The following SPEN variants were observed in gnomAD, a reference collection of about 807,000 sequenced individuals.
The protein encoded by SPEN is msx2-interacting protein.
SPEN carries 18 observed loss-of-function variants against 269.9 expected under a neutral mutation model. That is an observed-to-expected ratio of 0.07 (90% CI 0.05 to 0.10). SPEN has a LOEUF of 0.10. Among genes scored for constraint, SPEN ranks in the 10% least tolerant of loss-of-function variants. The pLI, the probability that SPEN is intolerant of heterozygous loss-of-function variation, is 1.00. For missense variants in SPEN, 3,822 were observed against 4,631.2 expected (o/e 0.83, Z 5.07); for synonymous variants, 1,726 against 1,765.7 (o/e 0.98, Z 0.56).
At chr1:15,883,810 T>C (rs1025034426) in intron 3 of SPEN, among the ~76,000 whole-genome samples, 1 of 139,962 alleles carries the variant, frequency 7.1e-6, no homozygotes, top group African/African-American at 2.6e-5. Context: ...TAAGATTCTT[T>C]TTTTTTTTTT....
chr1:15,884,069 C>T (rs2070714220), intron 3 of SPEN, among the ~76,000 whole-genome samples: 1 of 152,120 alleles, frequency 6.6e-6, no homozygotes, highest in Admixed American at 6.6e-5. Flanking sequence ...TTTGGCCTCC[C>T]AAAGTGCTGG....
At chr1:15,926,724 G>A (rs962883145) in intron 10 of SPEN, among the ~76,000 whole-genome samples, 31 of 146,364 alleles carry the variant, frequency 2.1e-4, no homozygotes, top group African/African-American at 7.6e-4. Flanking sequence ...ATGGAGTCTC[G>A]CTGTGTCGCC....
In SPEN at chr1:15,934,988, C is replaced by T; in HGVS notation, c.8748C>T (p.His2916=). 1.2e-6 allele frequency: 2 copies of T among 1,614,030 alleles called. No individual in the cohort carries two copies. Among genetic ancestry groups the T allele is most frequent in the South Asian group, 1.1e-5 (1 of 91,072 alleles). ...RPSLEKPEPI[H]LSVSTPVTQG... The stretch of plus-strand genomic sequence containing the variant: ...CCTTGGAGAAGCCCGAGCCCATTCA[C>T]CTCTCGGTGTCCACGCCTGTCACCC... The change falls in exon 11 of 15, where the codon CAC becomes CAT. Residue 2916 remains histidine, a synonymous_variant. Coordinates refer to ENST00000375759, the MANE Select transcript of SPEN (RefSeq NM_015001.3). This position sits in a 1 kb window ranked among gnomAD's most constrained non-coding sequence, Gnocchi z 9.2.
Position 15,940,073 on chromosome 1 carries a change from A to G in SPEN, c.*646A>G. On this transcript the variant is annotated 3_prime_UTR_variant, in exon 15 of 15. Coordinates refer to ENST00000375759, the MANE Select transcript of SPEN (RefSeq NM_015001.3). The stretch of plus-strand genomic sequence containing the variant: ...AAGGTTTTCTCTTGGTGGGATATGC[A>G]GAACTTGGGATGTGTGTATATATAA... 1 of 222,646 alleles carries G rather than the reference A, an allele frequency of 4.5e-6. No individual in the cohort carries two copies. Among genetic ancestry groups the G allele is most frequent in the Non-Finnish European group, 9.0e-6 (1 of 111,598 alleles). 13.8% of individuals were successfully genotyped at this position (222,646 alleles called of 1,614,324 possible).
intron 1 of SPEN, among the ~76,000 whole-genome samples, chr1:15,869,509 A>C (rs928926081): frequency 1.8e-4 from 28 of 152,202 alleles, no homozygotes; most frequent in Admixed American, 1.8e-3. Flanking sequence ...GATTTAACTG[A>C]GTTCAAAAGA....
chr1:15,876,288 A>G lies in SPEN; in HGVS notation c.491A>G (p.His164Arg), dbSNP rs1302193817. ...RGTGGFDRTR[H>R]YDQDYYRDPR... ...ACGGGAGGATTTGATCGGACAAGACATTACGATCAGGATTACTATAGAGAT... is the reference window on the plus strand; with the variant it reads ...ACGGGAGGATTTGATCGGACAAGACGTTACGATCAGGATTACTATAGAGAT... The change falls in exon 3 of 15, where the codon CAT becomes CGT. Residue 164 changes from histidine (H) to arginine (R), a missense_variant. Physicochemically the swap from His to Arg is conservative, Grantham distance 29 (BLOSUM62 0). Coordinates refer to ENST00000375759, the MANE Select transcript of SPEN (RefSeq NM_015001.3). 1.2e-6 allele frequency: 2 copies of G among 1,614,062 alleles called. No homozygotes were observed. Among genetic ancestry groups the G allele is most frequent in the Non-Finnish European group, 1.7e-6 (2 of 1,180,018 alleles).
intron 13 of SPEN, among the ~76,000 whole-genome samples, chr1:15,938,344 G>T (rs2071299530): frequency 6.6e-6 from 1 of 152,076 alleles, no homozygotes; most frequent in Non-Finnish European, 1.5e-5. Flanking sequence ...TTGAACTCCT[G>T]ACCTCAAGTG....
At chr1:15,916,016 C>G in intron 5 of SPEN, 112 bp from the exon 6 acceptor site, 1 of 1,266,110 alleles carries the variant, frequency 7.9e-7, no homozygotes, top group Non-Finnish European at 1.1e-6. Context: ...TGTGAGTATT[C>G]AAGCCCATTA....
chr1:15,862,352 A>T (rs1270475397), intron 1 of SPEN, among the ~76,000 whole-genome samples: 1 of 152,186 alleles, frequency 6.6e-6, no homozygotes, highest in Non-Finnish European at 1.5e-5. Flanking sequence ...TATGAAAGCT[A>T]CTCATTAATT....
In SPEN at chr1:15,934,920, A is replaced by G. The variant is rs772013229; in HGVS notation, c.8680A>G (p.Asn2894Asp). 6.2e-7 allele frequency: 1 copy of G among 1,613,814 alleles called. No individual in the cohort carries two copies. The highest frequency in any genetic ancestry group is 1.1e-5 in the South Asian group (1 of 91,074). The change falls in exon 11 of 15, where the codon AAT becomes GAT. Residue 2894 changes from asparagine to aspartate, a missense_variant. This residue lies in a region of SPEN where 329 missense variants were observed against 431.2 expected (regional missense o/e 0.76). Coordinates refer to ENST00000375759, the MANE Select transcript of SPEN (RefSeq NM_015001.3). The surrounding 1 kb of genome is among the most constrained non-coding windows in gnomAD (Gnocchi z 9.2). ...STLVLTAQTY[N>D]ASPVISSVKA... Reference sequence around the variant, plus strand: ...GTTGGTACTGACCGCCCAGACATATAATGCCTCTCCTGTGATTTCGTCTGT... The same window carrying G: ...GTTGGTACTGACCGCCCAGACATATGATGCCTCTCCTGTGATTTCGTCTGT...
chr1:15,849,176 C>T (rs1169643678), intron 1 of SPEN, among the ~76,000 whole-genome samples: 1 of 152,156 alleles, frequency 6.6e-6, no homozygotes, highest in Admixed American at 6.5e-5. Flanking sequence ...TCAGAGGGAC[C>T]ATAGCAAATC....
chr1:15,930,428 T>C lies in SPEN; in HGVS notation c.4188T>C (p.Ser1396=), dbSNP rs771649279. The change falls in exon 11 of 15, where the codon TCT becomes TCC. Residue 1396 remains serine (S), a synonymous_variant. Coordinates refer to ENST00000375759, the MANE Select transcript of SPEN (RefSeq NM_015001.3). This position sits in a 1 kb window ranked among gnomAD's most constrained non-coding sequence, Gnocchi z 5.3. ...GEHKSHSPRA[S]ALYESSRLSF... ...ACAAATCCCACTCACCCAGAGCCTCTGCATTATATGAAAGTTCTCGATTGT... is the reference window on the plus strand; with the variant it reads ...ACAAATCCCACTCACCCAGAGCCTCCGCATTATATGAAAGTTCTCGATTGT... The C allele has an allele frequency of 6.2e-7, 1 of 1,614,194 alleles. No individual in the cohort carries two copies. Among genetic ancestry groups the C allele is most frequent in the East Asian group, 2.2e-5 (1 of 44,890 alleles).
chr1:15,872,406 C>T (rs2148710428), intron 1 of SPEN, among the ~76,000 whole-genome samples: 1 of 151,946 alleles, frequency 6.6e-6, no homozygotes, highest in South Asian at 2.1e-4. Flanking sequence ...TCCTGGCTAA[C>T]ACGGTGAAAC....
chr1:15,939,592 T>C lies in SPEN; in HGVS notation c.*165T>C, dbSNP rs1380474161. 6.5e-6 allele frequency: 5 copies of C among 770,780 alleles called. No homozygotes were observed. The highest frequency in any genetic ancestry group is 9.8e-6 in the Non-Finnish European group (5 of 512,188). The allele number at this position is 770,780 out of a possible 1,614,324, so 47.7% of individuals were successfully genotyped here. A position where few individuals can be genotyped will look rare whatever the true frequency, so the allele number is the denominator to read the frequency against. On this transcript the variant is annotated 3_prime_UTR_variant, in exon 15 of 15. Transcript: ENST00000375759. The surrounding 1 kb of genome is among the most constrained non-coding windows in gnomAD (Gnocchi z 4.1). ...GCCCGGCTCAGTCGGCCAGACTTCCTCTAGGAGTGGTGCTGCTACCTTGTA... is the reference window on the plus strand; with the variant it reads ...GCCCGGCTCAGTCGGCCAGACTTCCCCTAGGAGTGGTGCTGCTACCTTGTA...
At chr1:15,866,274 C>T (rs1228404069) in intron 1 of SPEN, among the ~76,000 whole-genome samples, 4 of 151,966 alleles carry the variant, frequency 2.6e-5, no homozygotes, top group Non-Finnish European at 5.9e-5. Context: ...TATCTTTTGC[C>T]ATCTTTAGTA....
In SPEN at chr1:15,929,377, A is replaced by G; in HGVS notation, c.3137A>G (p.Lys1046Arg). Residue 1046 changes from lysine (K) to arginine (R), a missense_variant, in exon 11 of 15, where the codon AAA becomes AGA. Lys to Arg is a conservative substitution (Grantham distance 26). This residue lies in a region of SPEN where 572 missense variants were observed against 582.6 expected (regional missense o/e 0.98). Transcript: ENST00000375759. This position sits in a 1 kb window ranked among gnomAD's most constrained non-coding sequence, Gnocchi z 5.8. ...AAGCCTGTGAGGAAAGAAATTCTTA[A>G]AAGAGAATCTAAAAAAATCAAACTG... ...ERKPVRKEIL[K>R]RESKKIKLDR... 2 of 1,613,190 alleles carry G rather than the reference A, an allele frequency of 1.2e-6. No homozygotes were observed. Among genetic ancestry groups the G allele is most frequent in the Admixed American group, 1.7e-5 (1 of 59,808 alleles).
rs2070303824 is a variant in SPEN, at chr1:15,848,820, C to G, written c.83+670C>G. On this transcript the variant is annotated intron_variant, in intron 1 of 14. Coordinates refer to ENST00000375759, the MANE Select transcript of SPEN (RefSeq NM_015001.3). This position sits in a 1 kb window ranked among gnomAD's most constrained non-coding sequence, Gnocchi z 5.1. ...AAGTTGGTGCGCCCGTTTGGGCTTC[C>G]TCGTCCCCGGCGGAGGAGACCGCGT... 6.6e-6 allele frequency among the ~76,000 whole-genome samples: 1 copy of G among 152,004 alleles called. No individual in the cohort carries two copies. Among genetic ancestry groups the G allele is most frequent in the Admixed American group, 6.6e-5 (1 of 15,256 alleles).
At position 15,931,909 on chromosome 1, in the gene SPEN, C is replaced by G. The variant is rs1042892960; in HGVS notation, c.5669C>G (p.Pro1890Arg). 1 of 1,614,200 alleles carries G rather than the reference C, an allele frequency of 6.2e-7. No homozygotes were observed. The highest frequency in any genetic ancestry group is 8.5e-7 in the Non-Finnish European group (1 of 1,180,030). ...AACTCTGCTGCAGACCTTGAACATCCCGAACCAAGTTTGCCTCTCAGCCGA... is the reference window on the plus strand; with the variant it reads ...AACTCTGCTGCAGACCTTGAACATCGCGAACCAAGTTTGCCTCTCAGCCGA... The part of the protein sequence containing the change: ...SKNSAADLEH[P>R]EPSLPLSRTR... The change falls in exon 11 of 15, where the codon CCC becomes CGC. Residue 1890 changes from proline to arginine, a missense_variant. Around this residue, in one of 16 missense-constraint regions of SPEN, gnomAD observed 533 missense variants for 618.8 expected, o/e 0.86. Coordinates refer to ENST00000375759, the MANE Select transcript of SPEN (RefSeq NM_015001.3). The surrounding 1 kb of genome is among the most constrained non-coding windows in gnomAD (Gnocchi z 4.8).
intron 2 of SPEN, among the ~76,000 whole-genome samples, chr1:15,874,951 A>G (rs1291825723): frequency 6.6e-6 from 1 of 152,160 alleles, no homozygotes; most frequent in Non-Finnish European, 1.5e-5. Context: ...GAATCTAAGC[A>G]TGTACTGGGG....
Sources: allele counts gnomAD v4.1 joint callset (sites outside exome capture counted in the v4.1 genomes callset), GRCh38; gene constraint gnomAD v4.1.1; regional missense constraint gnomAD v4.1.1; non-coding constraint Gnocchi (gnomAD v3.1); transcripts MANE v1.5; gene names NCBI Gene and HGNC (gene_info 2026-07-23, HGNC 2026-07-21).